PI4KA: variants seen among roughly 807,000 people sequenced by gnomAD.
PI4KA encodes phosphatidylinositol 4-kinase alpha.
A neutral mutation model predicts 271.4 loss-of-function variants in PI4KA; 122 were observed. That is an observed-to-expected ratio of 0.45 (90% CI 0.39 to 0.52). PI4KA has a LOEUF of 0.52. Among genes scored for constraint, PI4KA ranks in the 20% least tolerant of loss-of-function variants. The pLI, the probability that PI4KA is intolerant of heterozygous loss-of-function variation, is 0.00. For missense variants in PI4KA, 1,969 were observed against 2,769.1 expected (o/e 0.71, Z 6.48); for synonymous variants, 1,041 against 1,078.8 (o/e 0.96, Z 0.69).
At chr22:20,855,676 A>C (rs905164811) in intron 1 of PI4KA, among the ~76,000 whole-genome samples, 1 of 152,236 alleles carries the variant, frequency 6.6e-6, no homozygotes, top group Non-Finnish European at 1.5e-5. Flanking sequence ...TTGCTACAGC[A>C]GCAAAATATT....
Position 20,817,036 on chromosome 22 carries a change from A to G in PI4KA, c.856+1447T>C, listed in dbSNP as rs553916046. Among the ~76,000 whole-genome samples, 4 of 152,324 alleles carry G rather than the reference A, an allele frequency of 2.6e-5. No individual in the cohort carries two copies. In the East Asian group the frequency reaches 7.7e-4, roughly 29 times the overall value. On this transcript the variant is annotated intron_variant, in intron 7 of 54. Coordinates refer to ENST00000255882, the MANE Select transcript of PI4KA (RefSeq NM_058004.4). ...GAGGAATACATTCTATACTTAAACA[A>G]GGAGTTGTCTCTAAGAGGTGCGATT...
chr22:20,858,800 G>C lies in PI4KA; in HGVS notation c.-75C>G. On this transcript the variant is annotated 5_prime_UTR_variant, in exon 1 of 55. Coordinates refer to ENST00000255882, the MANE Select transcript of PI4KA (RefSeq NM_058004.4). ...GAGCGCCCGACCTCAGGGCGCAGGCGTAGGTGCATCCGGCTTTCCCGCCAC... is the reference window on the plus strand; with the variant it reads ...GAGCGCCCGACCTCAGGGCGCAGGCCTAGGTGCATCCGGCTTTCCCGCCAC... The C allele has an allele frequency of 7.3e-7, 1 of 1,363,656 alleles. No individual in the cohort carries two copies. The highest frequency in any genetic ancestry group is 9.5e-7 in the Non-Finnish European group (1 of 1,057,476). 84.5% of individuals were successfully genotyped at this position (1,363,656 alleles called of 1,614,324 possible). A position where few individuals can be genotyped will look rare whatever the true frequency, so the allele number is the denominator to read the frequency against.
At chr22:20,730,261 AATTTATTT>A (rs983978353) in intron 36 of PI4KA, among the ~76,000 whole-genome samples, 1 of 138,060 alleles carries the variant, frequency 7.2e-6, no homozygotes, top group South Asian at 2.3e-4. Context: ...ACCTTTTCAA[AATTTATTT>A]ATTTATTTAC....
chr22:20,842,643 T>C (rs1021796108), intron 1 of PI4KA, among the ~76,000 whole-genome samples: 1 of 147,236 alleles, frequency 6.8e-6, no homozygotes, highest in African/African-American at 2.5e-5. Context: ...CAAAACTCCA[T>C]CTCTACTAAA....
chr22:20,726,521 G>A lies in PI4KA; in HGVS notation c.4962C>T (p.Ile1654=). The change falls in exon 42 of 55, where the codon ATC becomes ATT. Residue 1654 remains isoleucine, a synonymous_variant. Coordinates refer to ENST00000255882, the MANE Select transcript of PI4KA (RefSeq NM_058004.4). The stretch of plus-strand genomic sequence containing the variant: ...ACCTGAGGGCCTGCACAATCTGGGG[G>A]ATGTAGAAGAGGATGGCGTCCTGTG... ...SFPPDAILFY[I]PQIVQALRYD... is the part of the protein sequence containing the mutation. 1 of 1,582,342 alleles carries A rather than the reference G, an allele frequency of 6.3e-7. No individual in the cohort carries two copies. The highest frequency in any genetic ancestry group is 2.4e-5 in the East Asian group (1 of 42,124).
rs549769591 is a variant in PI4KA, at chr22:20,733,955, C to T, written c.4052+88G>A. 1.3e-3 allele frequency: 2,023 copies of T among 1,522,840 alleles called. 9 individuals carry two copies. The African/African-American group carries it at 0.019, about 14-fold the overall frequency. 94.3% of individuals were successfully genotyped at this position (1,522,840 alleles called of 1,614,324 possible). ...GAGCAGCTCACTGAAATGTGTTCCC[C>T]GTCTACAGAAGTACCGTGATACACA... On this transcript the variant is annotated intron_variant, in intron 34 of 54. Transcript: ENST00000255882.
chr22:20,821,661 G>A (rs986777817), intron 4 of PI4KA, among the ~76,000 whole-genome samples: 10 of 151,816 alleles, frequency 6.6e-5, no homozygotes, highest in Admixed American at 1.3e-4. Flanking sequence ...GGCATGTCTC[G>A]GCTCACCACA....
chr22:20,755,160 T>G lies in PI4KA; in HGVS notation c.2792-1980A>C, dbSNP rs1438366339. On this transcript the variant is annotated intron_variant, in intron 23 of 54. Transcript: ENST00000255882. ...AGCCTTTTTCCCCATTTTTTATTTATTCGGTAGTCTAATCATTACAGAACC... is the reference window on the plus strand; with the variant it reads ...AGCCTTTTTCCCCATTTTTTATTTAGTCGGTAGTCTAATCATTACAGAACC... 2.0e-5 allele frequency among the ~76,000 whole-genome samples: 3 copies of G among 152,332 alleles called. No individual in the cohort carries two copies. The South Asian group carries it at 6.2e-4, about 32-fold the overall frequency.
intron 12 of PI4KA, 26 bp from the exon 13 acceptor site, chr22:20,803,346 A>T: frequency 6.2e-7 from 1 of 1,613,400 alleles, no homozygotes; most frequent in Non-Finnish European, 8.5e-7. Context: ...AACCTGTCAC[A>T]TGGCCTGTGG....
At chr22:20,715,690 G>C (rs1456971236) in intron 45 of PI4KA, among the ~76,000 whole-genome samples, 3 of 151,700 alleles carry the variant, frequency 2.0e-5, no homozygotes, top group Admixed American at 6.6e-5. Context: ...GGCCAGGCTG[G>C]TCTGGAACTC....
intron 19 of PI4KA, among the ~76,000 whole-genome samples, chr22:20,790,974 A>G (rs953052572): frequency 3.9e-5 from 6 of 152,180 alleles, no homozygotes; most frequent in African/African-American, 1.2e-4. Flanking sequence ...GCTATCACAG[A>G]TAACAGTTCT....
rs894042547 is a variant in PI4KA, at chr22:20,779,785, T to C, written c.2328+13408A>G. On this transcript the variant is annotated intron_variant, in intron 19 of 54. Transcript: ENST00000255882. ...AACATCTTCATAGCACCCGTTGGCA[T>C]TTCTACTGCGATGGGTATGATTTCC... The C allele has an allele frequency of 1.9e-6, 3 of 1,614,120 alleles. No individual in the cohort carries two copies. The highest frequency in any genetic ancestry group is 1.6e-4 in the Middle Eastern group (1 of 6,084).
chr22:20,742,928 A>G (rs2147288805), intron 30 of PI4KA, 164 bp from the exon 31 acceptor site: 2 of 614,060 alleles, frequency 3.3e-6, no homozygotes, highest in African/African-American at 1.9e-5. Context: ...TGATGCTACC[A>G]CTGATCACAG....
intron 1 of PI4KA, among the ~76,000 whole-genome samples, chr22:20,845,551 C>T (rs1418757079): frequency 6.6e-6 from 1 of 152,168 alleles, no homozygotes; most frequent in Non-Finnish European, 1.5e-5. Context: ...ACCATCCCCT[C>T]AGACAAAAAA....
At chr22:20,853,978 A>G (rs929580097) in intron 1 of PI4KA, among the ~76,000 whole-genome samples, 1 of 148,974 alleles carries the variant, frequency 6.7e-6, no homozygotes, top group African/African-American at 2.6e-5. Context: ...GGAAAGAGAA[A>G]AAAAAAAAAG....
In PI4KA at chr22:20,808,805, A is replaced by C. The variant is rs183375679; in HGVS notation, c.1072-1347T>G. Among the ~76,000 whole-genome samples the C allele has an allele frequency of 7.3e-3, 1,106 of 151,938 alleles. 12 individuals carry two copies. The highest frequency in any genetic ancestry group is 0.025 in the African/African-American group (1,029 of 41,464). On this transcript the variant is annotated intron_variant, in intron 9 of 54. Coordinates refer to ENST00000255882, the MANE Select transcript of PI4KA (RefSeq NM_058004.4). ...GTGATCCTCCTGCCTCAGCCTCCTGAGTAGCAGGGACTACAGGCATGTACC... is the reference window on the plus strand; with the variant it reads ...GTGATCCTCCTGCCTCAGCCTCCTGCGTAGCAGGGACTACAGGCATGTACC...
At chr22:20,819,538 C>T (rs918232793) in intron 6 of PI4KA, 103 bp downstream of exon 6, 18 of 1,073,904 alleles carry the variant, frequency 1.7e-5, no homozygotes, top group Admixed American at 4.6e-5. Context: ...AAACATTTCA[C>T]GTTACTTAAG....
chr22:20,843,022 C>T (rs374332402), intron 1 of PI4KA, among the ~76,000 whole-genome samples: 4 of 147,756 alleles, frequency 2.7e-5, no homozygotes, highest in Admixed American at 6.9e-5. Flanking sequence ...GGCGTGAACC[C>T]GGGAGGCAGA....
rs362248 is a variant in PI4KA, at chr22:20,825,069, CAAAAA to C, written c.368-660_368-656del. Among the ~76,000 whole-genome samples, 4 of 76,908 alleles carry C rather than the reference CAAAAA, an allele frequency of 5.2e-5. 1 individual carries two copies. The highest frequency in any genetic ancestry group is 9.0e-5 in the Non-Finnish European group (4 of 44,526). 50.5% of individuals were successfully genotyped at this position (76,908 alleles called of 152,430 possible). ...TGGGTGACAGAATGAGACGCCATCT[CAAAAA>C]AAAAAAAAAAAATCAATTTTGAATA... On this transcript the variant is annotated intron_variant, in intron 3 of 54. Transcript: ENST00000255882.
Sources: gnomAD v4.1 joint callset for allele counts (sites outside exome capture counted in the v4.1 genomes callset) on GRCh38, gnomAD v4.1.1 for gene constraint, MANE v1.5 for transcripts, NCBI Gene and HGNC (gene_info 2026-07-23, HGNC 2026-07-21) for gene names.